The following ASB4 variants were observed in gnomAD, a reference collection of about 807,000 sequenced individuals.
The protein encoded by ASB4 is ankyrin repeat and SOCS box protein 4.
A neutral mutation model predicts 38.6 loss-of-function variants in ASB4; 35 were observed. The ratio of observed to expected loss-of-function variants is 0.91; its 90% confidence interval spans 0.69 to 1.20. The LOEUF is 1.20. Ranked by LOEUF, ASB4 falls within the 50% of genes most tolerant of loss-of-function variation. The pLI, the probability that ASB4 is intolerant of heterozygous loss-of-function variation, is 0.00. For synonymous variants in ASB4, 195 were observed against 201.3 expected, an observed-to-expected ratio of 0.97 and a Z score of 0.26; for missense variants, 557 against 527.2, an observed-to-expected ratio of 1.06 and a Z score of -0.55.
In ASB4 at chr7:95,513,083, A is replaced by G. The variant is rs1790505053; in HGVS notation, c.488-14730A>G. Among the ~76,000 whole-genome samples the G allele has an allele frequency of 2.0e-5, 3 of 152,224 alleles. No individual in the cohort carries two copies. In the South Asian group the frequency reaches 6.2e-4, roughly 32 times the overall value. The stretch of plus-strand genomic sequence containing the variant: ...AAGGAAGGTCAGAGAGATAGGATGT[A>G]TAAGAGATTCTACCCACCATTGTTA... On this transcript the variant is annotated intron_variant, in intron 2 of 4. Coordinates refer to ENST00000325885, the MANE Select transcript of ASB4 (RefSeq NM_016116.3).
chr7:95,523,400 G>A (rs1425733362), intron 2 of ASB4, among the ~76,000 whole-genome samples: 1 of 152,096 alleles, frequency 6.6e-6, no homozygotes, highest in Non-Finnish European at 1.5e-5. Flanking sequence ...ACCTAATAAA[G>A]AGACAATGAA....
At chr7:95,509,698 A>C (rs1319749697) in intron 2 of ASB4, among the ~76,000 whole-genome samples, 1 of 152,204 alleles carries the variant, frequency 6.6e-6, no homozygotes, top group Non-Finnish European at 1.5e-5. Flanking sequence ...GCCGGTATAC[A>C]TGCATATGAA....
chr7:95,479,907 G>C (rs2116565943), intron 1 of ASB4, among the ~76,000 whole-genome samples: 1 of 152,284 alleles, frequency 6.6e-6, no homozygotes, highest in Non-Finnish European at 1.5e-5. Flanking sequence ...GTCCCTTCCT[G>C]TTTCTTGTCT....
upstream of ASB4, among the ~76,000 whole-genome samples, chr7:95,477,769 T>G (rs1789990877): frequency 6.6e-6 from 1 of 151,768 alleles, no homozygotes; most frequent in Non-Finnish European, 1.5e-5. Flanking sequence ...TCTGTGATTC[T>G]ACAAGCAAAA....
At chr7:95,546,996 C>T in the ASB4 span, among the ~76,000 whole-genome samples, 1 of 152,184 alleles carries the variant, frequency 6.6e-6, no homozygotes, top group Non-Finnish European at 1.5e-5. Context: ...TTTCCCACGT[C>T]CCCTTTTAAA....
At chr7:95,485,088 C>T (rs1177947457), upstream of ASB4, among the ~76,000 whole-genome samples, 2 of 150,022 alleles carry the variant, frequency 1.3e-5, no homozygotes, top group African/African-American at 5.0e-5. Context: ...ACACACACAT[C>T]TATTTATCTG....
intron 2 of ASB4, among the ~76,000 whole-genome samples, chr7:95,500,570 A>AG: frequency 3.5e-5 from 2 of 56,952 alleles, no homozygotes; most frequent in African/African-American, 1.7e-4. Context: ...ATCTGTCTCA[A>AG]AAAAAAAAAA....
At chr7:95,510,805 G>A (rs1011326647) in intron 2 of ASB4, among the ~76,000 whole-genome samples, 1 of 152,126 alleles carries the variant, frequency 6.6e-6, no homozygotes, top group East Asian at 1.9e-4. Flanking sequence ...GTCTGGATGT[G>A]TTATCTTTGT....
At chr7:95,481,101 T>C (rs1299288721), upstream of ASB4, among the ~76,000 whole-genome samples, 1 of 152,148 alleles carries the variant, frequency 6.6e-6, no homozygotes, top group African/African-American at 2.4e-5. Context: ...GATTCTTAGT[T>C]TACCTGATCT....
At chr7:95,504,219 A>C (rs1481608342) in intron 2 of ASB4, among the ~76,000 whole-genome samples, 4 of 152,290 alleles carry the variant, frequency 2.6e-5, no homozygotes, top group African/African-American at 9.6e-5. Context: ...TAGGAGGAAA[A>C]TTTGTTACTG....
chr7:95,480,804 G>A (rs1790016036), intron 1 of ASB4, among the ~76,000 whole-genome samples: 1 of 152,174 alleles, frequency 6.6e-6, no homozygotes, highest in Non-Finnish European at 1.5e-5. Flanking sequence ...GTTGCTTTAA[G>A]CCAATACATT....
chr7:95,529,181 A>G (rs1288635686), intron 3 of ASB4, among the ~76,000 whole-genome samples: 1 of 152,240 alleles, frequency 6.6e-6, no homozygotes, highest in Non-Finnish European at 1.5e-5. Flanking sequence ...CTACAGAAAT[A>G]TGGAAGAGAG....
At chr7:95,492,445 G>T (rs1463431333) in intron 1 of ASB4, among the ~76,000 whole-genome samples, 2 of 152,178 alleles carry the variant, frequency 1.3e-5, no homozygotes, top group Non-Finnish European at 2.9e-5. Context: ...GACAAAGACA[G>T]ATGAAAACTG....
Position 95,485,944 on chromosome 7 carries a change from C to A in ASB4, c.-28C>A, listed in dbSNP as rs953583297. 2 of 1,606,514 alleles carry A rather than the reference C, an allele frequency of 1.2e-6. No individual in the cohort carries two copies. The highest frequency in any genetic ancestry group is 1.7e-6 in the Non-Finnish European group (2 of 1,175,420). On this transcript the variant is annotated 5_prime_UTR_variant, in exon 1 of 5. Coordinates refer to ENST00000325885, the MANE Select transcript of ASB4 (RefSeq NM_016116.3). Reference sequence around the variant, plus strand: ...TCGGTGCTGTTCTCTCGATAAATCACAACAAAGCTTCCAGAGGGAGAGGAA... The same window carrying A: ...TCGGTGCTGTTCTCTCGATAAATCAAAACAAAGCTTCCAGAGGGAGAGGAA...
intron 3 of ASB4, among the ~76,000 whole-genome samples, chr7:95,529,786 T>A (rs1339962180): frequency 6.6e-6 from 1 of 152,148 alleles, no homozygotes; most frequent in Non-Finnish European, 1.5e-5. Context: ...ATACAGACTA[T>A]TTCATTTTAT....
intron 2 of ASB4, among the ~76,000 whole-genome samples, chr7:95,524,699 G>A (rs1252884805): frequency 2.0e-5 from 3 of 152,184 alleles, no homozygotes; most frequent in African/African-American, 7.2e-5. Flanking sequence ...TCATACTAGA[G>A]TAAGGTTGTT....
At chr7:95,515,229 C>CTT (rs1227234730) in intron 2 of ASB4, among the ~76,000 whole-genome samples, 2 of 83,106 alleles carry the variant, frequency 2.4e-5, no homozygotes, top group Admixed American at 1.2e-4. Context: ...TTCTTTCTTT[C>CTT]TTTTTCTTTC....
At position 95,524,373 on chromosome 7, in the gene ASB4, A is replaced by G. The variant is rs531519410; in HGVS notation, c.488-3440A>G. ...TTGAGTGAAAGAAGCAAGTCAAAAG[A>G]ATTTGTGTTTATGATTCCATTTATT... On this transcript the variant is annotated intron_variant, in intron 2 of 4. Transcript: ENST00000325885. 4.6e-5 allele frequency among the ~76,000 whole-genome samples: 7 copies of G among 152,340 alleles called. No homozygotes were observed. In the East Asian group the frequency reaches 1.3e-3, roughly 29 times the overall value.
chr7:95,506,934 G>T (rs1404208771), intron 2 of ASB4, among the ~76,000 whole-genome samples: 1 of 151,704 alleles, frequency 6.6e-6, no homozygotes, highest in Non-Finnish European at 1.5e-5. Context: ...ATCTTGTATT[G>T]TCTCGTCTCT....
Sources: allele counts gnomAD v4.1 joint callset (sites outside exome capture counted in the v4.1 genomes callset), GRCh38; gene constraint gnomAD v4.1.1; transcripts MANE v1.5; gene names NCBI Gene and HGNC (gene_info 2026-07-23, HGNC 2026-07-21).